L3HYPDH: variants seen among roughly 807,000 people sequenced by gnomAD.
L3HYPDH encodes the protein trans-3-hydroxy-L-proline dehydratase.
L3HYPDH carries 32 observed loss-of-function variants against 26.5 expected under a neutral mutation model. The observed-to-expected ratio is 1.21, with a 90% CI of 0.91 to 1.62. The LOEUF (loss-of-function observed/expected upper bound fraction) is 1.62, where lower values mean the gene tolerates loss of function less well. L3HYPDH is among the 40% of genes most tolerant of loss of function. L3HYPDH has a pLI of 0.00. For synonymous variants in L3HYPDH, 215 were observed against 196.6 expected (o/e 1.09, Z -0.78); for missense variants, 554 against 476.4 (o/e 1.16, Z -1.52).
chr14:59,500,915 G>A, the L3HYPDH span: 12 of 297,802 alleles, frequency 4.0e-5, no homozygotes, highest in East Asian at 1.9e-4. Flanking sequence ...GAACACAGCC[G>A]TGCCCATTCA....
At chr14:59,491,051 G>A in the L3HYPDH span, among the ~76,000 whole-genome samples, 1 of 152,202 alleles carries the variant, frequency 6.6e-6, no homozygotes, top group Non-Finnish European at 1.5e-5. Context: ...TGGTAACAAG[G>A]ACCACAAGGG....
upstream of L3HYPDH, chr14:59,486,894 C>T (rs1477998383): frequency 2.2e-6 from 2 of 915,258 alleles, no homozygotes; most frequent in Non-Finnish European, 3.4e-6. Context: ...TTATTATACT[C>T]ATTAATTTAT....
the L3HYPDH span, among the ~76,000 whole-genome samples, chr14:59,503,042 C>T: frequency 7.9e-5 from 12 of 152,038 alleles, no homozygotes; most frequent in Admixed American, 7.9e-4. Context: ...GCCACCACGC[C>T]TGACCTTGAA....
At chr14:59,475,734 AAAG>A (rs774742479) in intron 4 of L3HYPDH, 132 bp downstream of exon 4, 45 of 969,226 alleles carry the variant, frequency 4.6e-5, no homozygotes, top group Non-Finnish European at 6.2e-5. Context: ...TCCTAGTTGA[AAAG>A]AAGTTTTTAC....
intron 1 of L3HYPDH, among the ~76,000 whole-genome samples, chr14:59,480,940 G>T (rs1339237608): frequency 1.3e-5 from 2 of 152,202 alleles, no homozygotes; most frequent in Non-Finnish European, 2.9e-5. Context: ...ACAGGTGACG[G>T]TCCCAGGGTT....
the L3HYPDH span, chr14:59,501,164 AACAT>A: frequency 7.2e-7 from 1 of 1,390,118 alleles, no homozygotes; most frequent in Non-Finnish European, 1.0e-6. Flanking sequence ...TTTCATTTCC[AACAT>A]AATACCAATG....
At chr14:59,498,143 G>C in the L3HYPDH span, among the ~76,000 whole-genome samples, 6 of 152,030 alleles carry the variant, frequency 3.9e-5, no homozygotes. Flanking sequence ...AGATGATTCT[G>C]CTACAAATTT....
At chr14:59,465,743 AAAGAAAAATCC>A (rs1889150385) in intron 1 of L3HYPDH, among the ~76,000 whole-genome samples, 1 of 152,234 alleles carries the variant, frequency 6.6e-6, no homozygotes, top group Admixed American at 6.5e-5. Flanking sequence ...AAGTGAAGTG[AAAGAAAAATCC>A]AGAAGTCTAC....
chr14:59,484,513 C>G, upstream of L3HYPDH: 20 of 1,532,024 alleles, frequency 1.3e-5, 1 homozygote, highest in South Asian at 2.1e-4. Context: ...CCGCCGAGCT[C>G]GCTGTGGCCC....
chr14:59,500,252 G>T, the L3HYPDH span, among the ~76,000 whole-genome samples: 1 of 152,090 alleles, frequency 6.6e-6, no homozygotes, highest in African/African-American at 2.4e-5. Context: ...GTTGGAATCA[G>T]GCCTGTATAG....
Position 59,483,872 on chromosome 14 carries a change from C to T in L3HYPDH, c.445G>A (p.Glu149Lys). ...ACCGGTCCGTGGCTGCGGCCGTCCT[C>T]GCATGCCACGAAGGCGGTCACCAGC... ...CGLVTAFVAC[E>K]DGRSHGPVRF... is the part of the protein sequence containing the mutation. Residue 149 changes from glutamate to lysine, a missense_variant, in exon 1 of 5, where the codon GAG becomes AAG. Transcript: ENST00000247194. 6.3e-7 allele frequency: 1 copy of T among 1,579,186 alleles called. No homozygotes were observed. Among genetic ancestry groups the T allele is most frequent in the Non-Finnish European group, 8.5e-7 (1 of 1,169,766 alleles).
downstream of L3HYPDH, among the ~76,000 whole-genome samples, chr14:59,467,658 A>G (rs1889228784): frequency 6.6e-6 from 1 of 152,092 alleles, no homozygotes; most frequent in African/African-American, 2.4e-5. Context: ...TCATTACTCA[A>G]ATTATGTCTG....
Position 59,475,986 on chromosome 14 carries a change from G to C in L3HYPDH, c.822C>G (p.Gly274=). ...AGGCAATTCGGGCTGTCACTCCTGA[G>C]CCAGTGGGACTTCTGTCAACCTGTT... ...ADEQVDRSPT[G]SGVTARIALQ... The change falls in exon 4 of 5, where the codon GGC becomes GGG. Residue 274 remains glycine, a synonymous_variant. Coordinates refer to ENST00000247194, the MANE Select transcript of L3HYPDH (RefSeq NM_144581.2). 6.2e-7 allele frequency: 1 copy of C among 1,614,022 alleles called. No individual in the cohort carries two copies. The highest frequency in any genetic ancestry group is 8.5e-7 in the Non-Finnish European group (1 of 1,179,906).
At chr14:59,498,926 A>G in the L3HYPDH span, 1 of 1,476,812 alleles carries the variant, frequency 6.8e-7, no homozygotes, top group Non-Finnish European at 9.2e-7. Flanking sequence ...TGATGGGTAA[A>G]GTCAATGAAA....
At chr14:59,483,170 A>G (rs1423620476) in intron 1 of L3HYPDH, among the ~76,000 whole-genome samples, 1 of 152,210 alleles carries the variant, frequency 6.6e-6, no homozygotes, top group Non-Finnish European at 1.5e-5. Context: ...AAACTCTATG[A>G]GGGAAAAGAA....
At chr14:59,498,881 C>G in the L3HYPDH span, 1 of 1,609,536 alleles carries the variant, frequency 6.2e-7, no homozygotes, top group Non-Finnish European at 8.5e-7. Flanking sequence ...TTTAACCGTG[C>G]TTCAGGCAGT....
At chr14:59,477,544 G>T (rs1003491354) in intron 2 of L3HYPDH, among the ~76,000 whole-genome samples, 1 of 152,118 alleles carries the variant, frequency 6.6e-6, no homozygotes, top group African/African-American at 2.4e-5. Context: ...CTTTTATTAA[G>T]ATATCCATGA....
At chr14:59,475,191 T>C (rs2139804641) in intron 4 of L3HYPDH, 1 of 151,982 alleles carries the variant, frequency 6.6e-6, no homozygotes, top group Non-Finnish European at 1.5e-5. Context: ...AACACTATTA[T>C]AAAATAAAAC....
At chr14:59,468,509 A>C (rs1045236135), downstream of L3HYPDH, among the ~76,000 whole-genome samples, 3 of 152,002 alleles carry the variant, frequency 2.0e-5, no homozygotes, top group Non-Finnish European at 4.4e-5. Flanking sequence ...TCCATGGGGG[A>C]AGCCTCCCTT....
Sources: gnomAD v4.1 joint callset for allele counts (sites outside exome capture counted in the v4.1 genomes callset) on GRCh38, gnomAD v4.1.1 for gene constraint, MANE v1.5 for transcripts, NCBI Gene and HGNC (gene_info 2026-07-23, HGNC 2026-07-21) for gene names.